The following NEURL1B variants were observed in gnomAD, a reference collection of about 807,000 sequenced individuals.
NEURL1B encodes the protein E3 ubiquitin-protein ligase NEURL1B.
NEURL1B carries 13 observed loss-of-function variants against 37.4 expected under a neutral mutation model. The ratio of observed to expected loss-of-function variants is 0.35; its 90% CI spans 0.23 to 0.55. NEURL1B has a LOEUF of 0.55. NEURL1B is among the 20% of genes least tolerant of loss of function. NEURL1B has a pLI of 0.89. For synonymous variants in NEURL1B, 432 were observed against 426.6 expected (o/e 1.01, Z -0.16); for missense variants, 790 against 879.2 (o/e 0.90, Z 1.28).
rs55663413 is a variant in NEURL1B, at chr5:172,667,275, T to TAAAAAAAAAAAAAAAAAAAAA, written c.32-2509_32-2489dup. Among the ~76,000 whole-genome samples the TAAAAAAAAAAAAAAAAAAAAA allele has an allele frequency of 1.5e-4, 11 of 72,284 alleles. 3 individuals are homozygous for TAAAAAAAAAAAAAAAAAAAAA. The highest frequency in any genetic ancestry group is 8.9e-4 in the African/African-American group (11 of 12,412). 47.4% of individuals were successfully genotyped at this position (72,284 alleles called of 152,430 possible). ...CAACATGGTGAAACCCTGTCTCTACTAAAAAAAAAAAAAAAAAAAAATTAG... is the reference window on the plus strand; with the variant it reads ...CAACATGGTGAAACCCTGTCTCTACTAAAAAAAAAAAAAAAAAAAAAAAAAAAAAAAAAAAAAAAAAATTAG... On this transcript the variant is annotated intron_variant, in intron 1 of 4. Transcript: ENST00000369800.
intron 1 of NEURL1B, among the ~76,000 whole-genome samples, chr5:172,643,906 G>C (rs1020884924): frequency 2.0e-5 from 3 of 151,906 alleles, no homozygotes; most frequent in African/African-American, 7.3e-5. Context: ...TGCACTTCCT[G>C]ATCCCTCTCC....
intron 1 of NEURL1B, among the ~76,000 whole-genome samples, chr5:172,644,575 CAG>C (rs1263901339): frequency 6.6e-6 from 1 of 152,236 alleles, no homozygotes; most frequent in African/African-American, 2.4e-5. Flanking sequence ...GCCCTTTAAA[CAG>C]AACGTGCAGC....
At position 172,657,818 on chromosome 5, in the gene NEURL1B, G is replaced by A. The variant is rs1157509335; in HGVS notation, c.32-11967G>A. On this transcript the variant is annotated intron_variant, in intron 1 of 4. Transcript: ENST00000369800. This position sits in a 1 kb window ranked among gnomAD's most constrained non-coding sequence, Gnocchi z 4.0. ...GGAGGCCTAAACCCCTCCCTGTGGT[G>A]CTGTGCTTCAATGGGCACACTCCTC... Among the ~76,000 whole-genome samples, 1 of 152,188 alleles carries A rather than the reference G, an allele frequency of 6.6e-6. No individual in the cohort carries two copies. The highest frequency in any genetic ancestry group is 2.4e-5 in the African/African-American group (1 of 41,444).
In NEURL1B at chr5:172,683,892, C is replaced by T. The variant is rs1758423083; in HGVS notation, c.1051C>T (p.Arg351Trp). 2.1e-6 allele frequency: 3 copies of T among 1,412,728 alleles called. No individual in the cohort carries two copies. The highest frequency in any genetic ancestry group is 3.3e-5 in the East Asian group (1 of 30,732). 87.5% of individuals were successfully genotyped at this position (1,412,728 alleles called of 1,614,324 possible). ...GITSCDPGVL[R>W]PNELPADPDA... The stretch of plus-strand genomic sequence containing the variant: ...CACGTCGTGCGACCCGGGCGTGCTA[C>T]GGCCCAACGAGCTGCCCGCCGACCC... The change falls in exon 3 of 5, where the codon CGG (arginine) becomes TGG (tryptophan). Residue 351 changes from arginine (R) to tryptophan (W), a missense_variant. Arg to Trp is a moderately radical substitution (Grantham distance 101). Around this residue, in one of 3 missense-constraint regions of NEURL1B, gnomAD observed 460 missense variants for 407.4 expected, o/e 1.13. Transcript: ENST00000369800. This position sits in a 1 kb window ranked among gnomAD's most constrained non-coding sequence, Gnocchi z 5.6.
rs533352441 is a variant in NEURL1B at position 172,641,816 on chromosome 5, C to G, written c.31+379C>G. Among the ~76,000 whole-genome samples the G allele has an allele frequency of 1.7e-3, 263 of 152,344 alleles. No homozygotes were observed. Among genetic ancestry groups the G allele is most frequent in the African/African-American group, 6.1e-3 (252 of 41,592 alleles). On this transcript the variant is annotated intron_variant, in intron 1 of 4. Coordinates refer to ENST00000369800, the MANE Select transcript of NEURL1B (RefSeq NM_001142651.3). This position sits in a 1 kb window ranked among gnomAD's most constrained non-coding sequence, Gnocchi z 6.4. ...GAGCCGGGCTCGCCAGGGCTTCCGA[C>G]GGTCAGAAGCCACCCGTGGTGCCAA...
intron 2 of NEURL1B, among the ~76,000 whole-genome samples, chr5:172,678,879 C>T (rs1344537233): frequency 6.6e-6 from 1 of 152,200 alleles, no homozygotes. Flanking sequence ...TTGAGACATA[C>T]ATTTTGCTTT....
At chr5:172,655,108 C>T (rs567359334) in intron 1 of NEURL1B, among the ~76,000 whole-genome samples, 9 of 151,998 alleles carry the variant, frequency 5.9e-5, no homozygotes, top group East Asian at 1.9e-4. Flanking sequence ...GGGAAGGGAC[C>T]GGAGGGAGTG....
intron 1 of NEURL1B, among the ~76,000 whole-genome samples, chr5:172,651,104 A>C (rs908013955): frequency 6.6e-6 from 1 of 152,266 alleles, no homozygotes; most frequent in African/African-American, 2.4e-5. Context: ...AGCATTGAAC[A>C]TACTGACATA....
Position 172,665,550 on chromosome 5 carries a change from G to A in NEURL1B, c.32-4235G>A, listed in dbSNP as rs148591824. Among the ~76,000 whole-genome samples, 15 of 152,352 alleles carry A rather than the reference G, an allele frequency of 9.8e-5. No individual in the cohort carries two copies. In the East Asian group the frequency reaches 1.5e-3, roughly 16 times the overall value. On this transcript the variant is annotated intron_variant, in intron 1 of 4. Coordinates refer to ENST00000369800, the MANE Select transcript of NEURL1B (RefSeq NM_001142651.3). The surrounding 1 kb of genome is among the most constrained non-coding windows in gnomAD (Gnocchi z 4.1). Reference sequence around the variant, plus strand: ...CGGCTCCCTCTTGCCCATGCAGTGCGTTCTGAGCCTCTTGGGCTGGCATTC... The same window carrying A: ...CGGCTCCCTCTTGCCCATGCAGTGCATTCTGAGCCTCTTGGGCTGGCATTC...
rs1438948497 is a variant in NEURL1B, at chr5:172,683,044, GA to G, written c.578-374del. Among the ~76,000 whole-genome samples, 1 of 152,138 alleles carries G rather than the reference GA, an allele frequency of 6.6e-6. No individual in the cohort carries two copies. ...CTAGTTGGGGAGACGGACAATAAAC[GA>G]TTTTTAGATGCCCTTTTAATGATCA... On this transcript the variant is annotated intron_variant, in intron 2 of 4. Coordinates refer to ENST00000369800, the MANE Select transcript of NEURL1B (RefSeq NM_001142651.3). The surrounding 1 kb of genome is among the most constrained non-coding windows in gnomAD (Gnocchi z 5.6).
intron 1 of NEURL1B, among the ~76,000 whole-genome samples, chr5:172,655,915 G>A (rs1271720179): frequency 6.6e-6 from 1 of 152,136 alleles, no homozygotes; most frequent in Non-Finnish European, 1.5e-5. Context: ...TAAAGTTTCG[G>A]TGCCGCAAAA....
intron 2 of NEURL1B, among the ~76,000 whole-genome samples, chr5:172,674,506 G>A (rs145515427): frequency 1.3e-5 from 2 of 152,146 alleles, no homozygotes; most frequent in African/African-American, 4.8e-5. Context: ...GAAGACTGCT[G>A]CGGCAGTATT....
intron 1 of NEURL1B, among the ~76,000 whole-genome samples, chr5:172,655,990 G>A (rs1028940377): frequency 1.3e-5 from 2 of 152,138 alleles, no homozygotes; most frequent in Non-Finnish European, 2.9e-5. Flanking sequence ...TTCATAGAAG[G>A]GTACATCCTT....
chr5:172,688,053 A>G lies in NEURL1B; in HGVS notation c.*1128A>G, dbSNP rs550425491. On this transcript the variant is annotated 3_prime_UTR_variant, in exon 5 of 5. Coordinates refer to ENST00000369800, the MANE Select transcript of NEURL1B (RefSeq NM_001142651.3). The surrounding 1 kb of genome is among the most constrained non-coding windows in gnomAD (Gnocchi z 4.3). ...CTAATGATCGAGACAGTAACGAAAA[A>G]TGCTGGCACTGGGATTCTCTCCCTT... The G allele has an allele frequency of 1.3e-5, 2 of 152,830 alleles. No individual in the cohort carries two copies. Among genetic ancestry groups the G allele is most frequent in the South Asian group, 4.1e-4 (2 of 4,828 alleles). 9.5% of individuals were successfully genotyped at this position (152,830 alleles called of 1,614,324 possible). A position where few individuals can be genotyped will look rare whatever the true frequency, so the allele number is the denominator to read the frequency against.
rs1466987984 is a variant in NEURL1B, at chr5:172,683,909, C to A, written c.1068C>A (p.Pro356=). ...DPGVLRPNEL[P]ADPDALLDRK... ...GCGTGCTACGGCCCAACGAGCTGCC[C>A]GCCGACCCAGACGCGCTGCTCGACC... The change falls in exon 3 of 5, where the codon CCC becomes CCA. Residue 356 remains proline, a synonymous_variant. Coordinates refer to ENST00000369800, the MANE Select transcript of NEURL1B (RefSeq NM_001142651.3). The surrounding 1 kb of genome is among the most constrained non-coding windows in gnomAD (Gnocchi z 5.6). 5 of 1,413,404 alleles carry A rather than the reference C, an allele frequency of 3.5e-6. No homozygotes were observed. In the African/African-American group the frequency reaches 4.5e-5, roughly 13 times the overall value. 87.6% of individuals were successfully genotyped at this position (1,413,404 alleles called of 1,614,324 possible).
At chr5:172,685,914 C>G in intron 3 of NEURL1B, among the ~76,000 whole-genome samples, 1 of 152,148 alleles carries the variant, frequency 6.6e-6, no homozygotes, top group Non-Finnish European at 1.5e-5. Flanking sequence ...GGCCCTTATC[C>G]TATGAGGGAG....
Position 172,656,590 on chromosome 5 carries a change from C to A in NEURL1B, c.32-13195C>A, listed in dbSNP as rs982901104. The stretch of plus-strand genomic sequence containing the variant: ...TTCCCCGCGGCCTTCGCTTTTAGCT[C>A]CTCGAGTTTCTTCTGCTCCTCTTTT... On this transcript the variant is annotated intron_variant, in intron 1 of 4. Coordinates refer to ENST00000369800, the MANE Select transcript of NEURL1B (RefSeq NM_001142651.3). 52 of 1,610,956 alleles carry A rather than the reference C, an allele frequency of 3.2e-5. No homozygotes were observed. In the African/African-American group the frequency reaches 6.3e-4, roughly 19 times the overall value.
At chr5:172,646,461 C>T (rs910393139) in intron 1 of NEURL1B, among the ~76,000 whole-genome samples, 7 of 152,196 alleles carry the variant, frequency 4.6e-5, no homozygotes, top group Admixed American at 1.3e-4. Context: ...CCCAGGTGAC[C>T]ACAAGCCTCA....
At chr5:172,682,680 C>T (rs978722397) in intron 2 of NEURL1B, among the ~76,000 whole-genome samples, 1 of 152,236 alleles carries the variant, frequency 6.6e-6, no homozygotes, top group Non-Finnish European at 1.5e-5. Context: ...GGGCCAGGCA[C>T]TGTGCTCTGT....
Sources: gnomAD v4.1 joint callset for allele counts (sites outside exome capture counted in the v4.1 genomes callset) on GRCh38, gnomAD v4.1.1 for gene constraint, gnomAD v4.1.1 regional missense constraint, Gnocchi (gnomAD v3.1) non-coding constraint, MANE v1.5 for transcripts, NCBI Gene and HGNC (gene_info 2026-07-23, HGNC 2026-07-21) for gene names.